The following LRP1B variants were observed in gnomAD, a reference collection of about 807,000 sequenced individuals.
LRP1B encodes the protein LDL receptor related protein 1B, also known as low-density lipoprotein receptor-related protein 1B.
In LRP1B, 217 loss-of-function variants were observed where a neutral mutation model predicts 556.6. The ratio of observed to expected loss-of-function variants is 0.39; its 90% CI spans 0.35 to 0.44. LRP1B has a LOEUF of 0.44. Ranked by LOEUF, LRP1B falls within the 20% of genes least tolerant of loss-of-function variation. The probability of loss-of-function intolerance (pLI) is 1.00; values close to 1 mark genes in which losing one functional copy is unlikely to be tolerated. For missense variants in LRP1B, 5,053 were observed against 5,620.8 expected, an observed-to-expected ratio of 0.90 and a Z score of 3.23; for synonymous variants, 2,047 against 1,865.8, an observed-to-expected ratio of 1.10 and a Z score of -2.50.
intron 31 of LRP1B, among the ~76,000 whole-genome samples, chr2:140,836,255 C>T (rs981190276): frequency 6.6e-6 from 1 of 152,032 alleles, no homozygotes; most frequent in Non-Finnish European, 1.5e-5. Context: ...AAGTTATATA[C>T]TATTATCTCC....
intron 15 of LRP1B, 128 bp from the exon 16 acceptor site, chr2:140,994,263 C>G: frequency 1.4e-6 from 1 of 724,456 alleles, no homozygotes; most frequent in East Asian, 2.7e-5. Flanking sequence ...ATTTGTCCTT[C>G]TCTGTCTACC....
intron 2 of LRP1B, among the ~76,000 whole-genome samples, chr2:141,632,750 G>C (rs111361678): frequency 2.6e-5 from 4 of 151,516 alleles, no homozygotes; most frequent in African/African-American, 7.3e-5. Context: ...GGTCAACCAT[G>C]ACATAAAAAT....
At chr2:141,975,681 C>G (rs1208394000) in intron 1 of LRP1B, among the ~76,000 whole-genome samples, 2 of 152,084 alleles carry the variant, frequency 1.3e-5, no homozygotes, top group African/African-American at 2.4e-5. Flanking sequence ...GTGTCTGATG[C>G]CTGCAAGTGA....
intron 1 of LRP1B, among the ~76,000 whole-genome samples, chr2:141,898,415 A>G (rs1671010858): frequency 6.6e-6 from 1 of 152,148 alleles, no homozygotes; most frequent in South Asian, 2.1e-4. Context: ...TATTGAAGTC[A>G]AGTCTTTGAC....
At chr2:140,737,273 C>T (rs1419334877) in intron 35 of LRP1B, among the ~76,000 whole-genome samples, 1 of 152,124 alleles carries the variant, frequency 6.6e-6, no homozygotes, top group African/African-American at 2.4e-5. Context: ...GGACTTATGA[C>T]CATTTACTTG....
At chr2:140,926,056 C>CTTTTTTTTTTTTTT in intron 20 of LRP1B, among the ~76,000 whole-genome samples, 1 of 86,014 alleles carries the variant, frequency 1.2e-5, no homozygotes, top group Non-Finnish European at 2.9e-5. Context: ...TGGAGATTTT[C>CTTTTTTTTTTTTTT]TTTTTTTTTT....
chr2:141,922,714 C>T (rs1031775986), intron 1 of LRP1B, among the ~76,000 whole-genome samples: 7 of 152,116 alleles, frequency 4.6e-5, no homozygotes, highest in African/African-American at 1.4e-4. Flanking sequence ...GGGTCATTCA[C>T]TAGTGTCAAG....
chr2:141,394,128 T>C (rs1423828987), intron 3 of LRP1B, among the ~76,000 whole-genome samples: 1 of 152,152 alleles, frequency 6.6e-6, no homozygotes. Flanking sequence ...AAATCTCAAC[T>C]ATCAGTAAAT....
intron 2 of LRP1B, among the ~76,000 whole-genome samples, chr2:141,516,626 GC>G (rs1466223902): frequency 6.6e-6 from 1 of 151,730 alleles, no homozygotes; most frequent in Non-Finnish European, 1.5e-5. Flanking sequence ...CTGTACCCCA[GC>G]CTGGGCAATG....
chr2:141,990,473 G>C (rs1186162135), intron 1 of LRP1B, among the ~76,000 whole-genome samples: 1 of 151,810 alleles, frequency 6.6e-6, no homozygotes, highest in Non-Finnish European at 1.5e-5. Flanking sequence ...TTTATTACTT[G>C]TCTCTAAAGT....
At chr2:140,651,526 T>TAAAAAAAAA (rs558677783) in intron 41 of LRP1B, among the ~76,000 whole-genome samples, 4 of 107,010 alleles carry the variant, frequency 3.7e-5, no homozygotes, top group African/African-American at 7.4e-5. Flanking sequence ...ATACAAAAAT[T>TAAAAAAAAA]AAAAAAAAAA....
chr2:141,427,811 A>G (rs1404495458), intron 3 of LRP1B, among the ~76,000 whole-genome samples: 1 of 152,190 alleles, frequency 6.6e-6, no homozygotes, highest in East Asian at 1.9e-4. Context: ...ACTTACTGCT[A>G]TCATTAATAC....
chr2:140,296,715 G>T (rs1381542523), intron 84 of LRP1B, among the ~76,000 whole-genome samples: 1 of 152,162 alleles, frequency 6.6e-6, no homozygotes, highest in East Asian at 1.9e-4. Context: ...ATTAACTGCT[G>T]AAAGTAGATG....
intron 23 of LRP1B, among the ~76,000 whole-genome samples, chr2:140,888,415 T>C (rs1693702951): frequency 6.6e-6 from 1 of 151,684 alleles, no homozygotes; most frequent in Admixed American, 6.6e-5. Context: ...ACAAAAGATA[T>C]TACTAGCAAA....
chr2:140,274,709 AT>A, intron 84 of LRP1B, 111 bp from the exon 85 acceptor site: 1 of 830,360 alleles, frequency 1.2e-6, no homozygotes, highest in Non-Finnish European at 1.8e-6. Flanking sequence ...AGGTAGATTA[AT>A]TTACAAAAGC....
chr2:141,394,304 T>C lies in LRP1B; in HGVS notation c.343+86092A>G, dbSNP rs372718126. On this transcript the variant is annotated intron_variant, in intron 3 of 90. Coordinates refer to ENST00000389484, the MANE Select transcript of LRP1B (RefSeq NM_018557.3). ...GACTTTTCTGGTAAAATAAGACCAT[T>C]TTAGTCTTAAGAGATTATGAAAAAT... Among the ~76,000 whole-genome samples, 12 of 152,212 alleles carry C rather than the reference T, an allele frequency of 7.9e-5. No individual in the cohort carries two copies. In the East Asian group the frequency reaches 2.1e-3, roughly 27 times the overall value.
At chr2:141,878,857 G>C (rs1460215958) in intron 1 of LRP1B, among the ~76,000 whole-genome samples, 1 of 151,666 alleles carries the variant, frequency 6.6e-6, no homozygotes, top group Non-Finnish European at 1.5e-5. Flanking sequence ...ACTCCTTGAA[G>C]GGTTATTTCT....
At position 141,624,029 on chromosome 2, in the gene LRP1B, AATT is replaced by A. The variant is rs766650418; in HGVS notation, c.206-143499_206-143497del. 4.8e-3 allele frequency among the ~76,000 whole-genome samples: 487 copies of A among 102,474 alleles called. 14 individuals carry two copies. Among genetic ancestry groups the A allele is most frequent in the African/African-American group, 0.017 (461 of 27,524 alleles). The allele number at this position is 102,474 out of a possible 152,430, so 67.2% of individuals were successfully genotyped here. On this transcript the variant is annotated intron_variant, in intron 2 of 90. Coordinates refer to ENST00000389484, the MANE Select transcript of LRP1B (RefSeq NM_018557.3). ...GAACTCCAACTCAAAAAAAAAAAAA[AATT>A]AAACAAAAAAAAAAAGAAAAGAAAA...
rs10696198 is a variant in LRP1B, at chr2:140,485,846, TACAC to T, written c.9244-326_9244-323del. Among the ~76,000 whole-genome samples, 673 of 142,352 alleles carry T rather than the reference TACAC, an allele frequency of 4.7e-3. 3 individuals carry two copies. The highest frequency in any genetic ancestry group is 6.6e-3 in the Admixed American group (93 of 13,990). The allele number at this position is 142,352 out of a possible 152,430, so 93.4% of individuals were successfully genotyped here. A position where few individuals can be genotyped will look rare whatever the true frequency, so the allele number is the denominator to read the frequency against. On this transcript the variant is annotated intron_variant, in intron 58 of 90. Transcript: ENST00000389484. ...ATTTGGGACAAAATTCTCACGCACA[TACAC>T]ACACACACACACACACACACACACA... is the stretch of plus-strand genomic sequence containing the variant.
Sources: gnomAD v4.1 joint callset for allele counts (sites outside exome capture counted in the v4.1 genomes callset) on GRCh38, gnomAD v4.1.1 for gene constraint, MANE v1.5 for transcripts, NCBI Gene and HGNC (gene_info 2026-07-23, HGNC 2026-07-21) for gene names.